RFTN1: variants seen among roughly 807,000 people sequenced by gnomAD.
The protein encoded by RFTN1 is raftlin.
RFTN1 carries 26 observed loss-of-function variants against 46.5 expected under a neutral mutation model. The observed-to-expected ratio is 0.56, with a 90% CI of 0.41 to 0.78. The LOEUF is 0.78. Among genes scored for constraint, RFTN1 ranks in the 30% least tolerant of loss-of-function variants. RFTN1 has a pLI of 0.00. For synonymous variants in RFTN1, 261 were observed against 284.2 expected, an observed-to-expected ratio of 0.92 and a Z score of 0.82; for missense variants, 693 against 718.7, an observed-to-expected ratio of 0.96 and a Z score of 0.41.
At chr3:16,378,362 T>G (rs186048833) in intron 4 of RFTN1, among the ~76,000 whole-genome samples, 1 of 152,318 alleles carries the variant, frequency 6.6e-6, no homozygotes, top group East Asian at 1.9e-4. Context: ...TTGAAATCAC[T>G]ACTTTGAAAC....
At chr3:16,411,531 C>G (rs2074980376) in intron 3 of RFTN1, among the ~76,000 whole-genome samples, 1 of 152,178 alleles carries the variant, frequency 6.6e-6, no homozygotes, top group African/African-American at 2.4e-5. Context: ...CTGGAACAAA[C>G]TAATCCCAAA....
rs745778663 is a variant in RFTN1, at chr3:16,378,034, G to C, written c.510C>G (p.Asn170Lys). 4 of 1,614,280 alleles carry C rather than the reference G, an allele frequency of 2.5e-6. No homozygotes were observed. The highest frequency in any genetic ancestry group is 1.1e-5 in the South Asian group (1 of 91,090). ...ACACCGGAGCACTGCTGCCTGCCGA[G>C]TTCACAGAGGAATGGTACTGAGGTA... ...GVIPQYHSSV[N>K]SAGSSAPVST... Residue 170 changes from asparagine to lysine, a missense_variant, in exon 5 of 10, where the codon AAC becomes AAG. By Grantham distance (94) the Asn-to-Lys change is moderately conservative (BLOSUM62 0). Transcript: ENST00000334133.
rs562623105 is a variant in RFTN1, at chr3:16,409,111, T to C, written c.441+264A>G. Among the ~76,000 whole-genome samples, 22 of 152,360 alleles carry C rather than the reference T, an allele frequency of 1.4e-4. No homozygotes were observed. In the East Asian group the frequency reaches 4.2e-3, roughly 29 times the overall value. On this transcript the variant is annotated intron_variant, in intron 4 of 9. Transcript: ENST00000334133. The stretch of plus-strand genomic sequence containing the variant: ...TTTGAAAGGAGTCCCGGCGCAGGCC[T>C]GCAGGTCTGTCAGCTGTTAACCCCA...
At chr3:16,441,341 CAG>C (rs1037790976) in intron 2 of RFTN1, among the ~76,000 whole-genome samples, 2 of 97,418 alleles carry the variant, frequency 2.1e-5, no homozygotes, top group African/African-American at 7.9e-5. Flanking sequence ...GGAATGAAAA[CAG>C]AGAAAAAACA....
rs1208827592 is a variant in RFTN1, at chr3:16,433,371, G to A, written c.332+480C>T. Among the ~76,000 whole-genome samples the A allele has an allele frequency of 6.6e-6, 1 of 152,020 alleles. No homozygotes were observed. Among genetic ancestry groups the A allele is most frequent in the African/African-American group, 2.4e-5 (1 of 41,388 alleles). On this transcript the variant is annotated intron_variant, in intron 3 of 9. Coordinates refer to ENST00000334133, the MANE Select transcript of RFTN1 (RefSeq NM_015150.2). This position sits in a 1 kb window ranked among gnomAD's most constrained non-coding sequence, Gnocchi z 4.4. ...TTTATTTAGGTGGTGTTTATTTTTT[G>A]TATTTTTTTAACTGTCAAGTGATTG... is the stretch of plus-strand genomic sequence containing the variant.
rs1459805296 is a variant in RFTN1, at chr3:16,489,633, T to G, written c.145+4092A>C. Reference sequence around the variant, plus strand: ...TTTCTGAAACATGAGAGCAGGCCAGTGCAGTGGCTCATGCCTGTAAGCCCA... The same window carrying G: ...TTTCTGAAACATGAGAGCAGGCCAGGGCAGTGGCTCATGCCTGTAAGCCCA... On this transcript the variant is annotated intron_variant, in intron 2 of 9. Coordinates refer to ENST00000334133, the MANE Select transcript of RFTN1 (RefSeq NM_015150.2). The surrounding 1 kb of genome is among the most constrained non-coding windows in gnomAD (Gnocchi z 4.0). Among the ~76,000 whole-genome samples, 2 of 152,152 alleles carry G rather than the reference T, an allele frequency of 1.3e-5. No individual in the cohort carries two copies. Among genetic ancestry groups the G allele is most frequent in the Non-Finnish European group, 2.9e-5 (2 of 68,024 alleles).
chr3:16,504,547 T>A lies in RFTN1; in HGVS notation c.-9+8895A>T, dbSNP rs2076768963. On this transcript the variant is annotated intron_variant, in intron 1 of 9. Coordinates refer to ENST00000334133, the MANE Select transcript of RFTN1 (RefSeq NM_015150.2). This position sits in a 1 kb window ranked among gnomAD's most constrained non-coding sequence, Gnocchi z 4.4. ...GCATTTCCCTCAAAGATGTGAAATA[T>A]CCCTTGGCCACCCTGTGCCTTTGCT... Among the ~76,000 whole-genome samples, 1 of 152,224 alleles carries A rather than the reference T, an allele frequency of 6.6e-6. No individual in the cohort carries two copies. The highest frequency in any genetic ancestry group is 1.5e-5 in the Non-Finnish European group (1 of 68,038).
At position 16,383,661 on chromosome 3, in the gene RFTN1, A is replaced by T. The variant is rs116060536; in HGVS notation, c.442-5559T>A. On this transcript the variant is annotated intron_variant, in intron 4 of 9. Coordinates refer to ENST00000334133, the MANE Select transcript of RFTN1 (RefSeq NM_015150.2). The surrounding 1 kb of genome is among the most constrained non-coding windows in gnomAD (Gnocchi z 4.0). Reference sequence around the variant, plus strand: ...GCGATATATACTCTATGTGCATGCGAATATACGTATTTGTGATTTAGAGTA... The same window carrying T: ...GCGATATATACTCTATGTGCATGCGTATATACGTATTTGTGATTTAGAGTA... Among the ~76,000 whole-genome samples, 39 of 152,324 alleles carry T rather than the reference A, an allele frequency of 2.6e-4. No individual in the cohort carries two copies. The highest frequency in any genetic ancestry group is 9.1e-4 in the African/African-American group (38 of 41,556).
rs749152016 is a variant in RFTN1 at position 16,493,894 on chromosome 3, A to G, written c.-8-17T>C. ...TTTCAGCAGCTGCTGGCCAAAGGAA[A>G]AAGGCGGGGAGGTGATTTTTTTCTG... On this transcript the variant is annotated splice_polypyrimidine_tract_variant and intron_variant, in intron 1 of 9. Transcript: ENST00000334133. 1.2e-6 allele frequency: 2 copies of G among 1,613,872 alleles called. No homozygotes were observed. The highest frequency in any genetic ancestry group is 1.7e-6 in the Non-Finnish European group (2 of 1,179,868).
intron 2 of RFTN1, among the ~76,000 whole-genome samples, chr3:16,455,738 G>A (rs1297274256): frequency 6.6e-6 from 1 of 152,140 alleles, no homozygotes; most frequent in East Asian, 1.9e-4. Flanking sequence ...CCAACTAGTA[G>A]AGTCAAAATA....
intron 4 of RFTN1, among the ~76,000 whole-genome samples, chr3:16,389,409 G>A (rs1004593997): frequency 6.6e-6 from 1 of 152,146 alleles, no homozygotes; most frequent in Non-Finnish European, 1.5e-5. Flanking sequence ...TGGTTTTTCT[G>A]GAAGATGGAA....
intron 3 of RFTN1, among the ~76,000 whole-genome samples, chr3:16,414,585 CAG>C (rs2075039044): frequency 7.1e-6 from 1 of 141,540 alleles, no homozygotes; most frequent in Non-Finnish European, 1.5e-5. Context: ...GCCTGAGCAA[CAG>C]AGTGAGACTT....
At chr3:16,444,871 T>C (rs1559351050) in intron 2 of RFTN1, among the ~76,000 whole-genome samples, 2 of 152,234 alleles carry the variant, frequency 1.3e-5, no homozygotes, top group African/African-American at 4.8e-5. Flanking sequence ...ACTGGGTAAG[T>C]CATCATCTTA....
intron 4 of RFTN1, among the ~76,000 whole-genome samples, chr3:16,391,564 T>C (rs76113287): frequency 5.8e-4 from 89 of 152,304 alleles, no homozygotes; most frequent in Non-Finnish European, 1.0e-3. Context: ...AGCCCTTATA[T>C]TGAGCTCCAA....
At position 16,387,686 on chromosome 3, in the gene RFTN1, C is replaced by T. The variant is rs2125396742; in HGVS notation, c.442-9584G>A. Among the ~76,000 whole-genome samples, 1 of 149,414 alleles carries T rather than the reference C, an allele frequency of 6.7e-6. No individual in the cohort carries two copies. Among genetic ancestry groups the T allele is most frequent in the African/African-American group, 2.5e-5 (1 of 40,466 alleles). On this transcript the variant is annotated intron_variant, in intron 4 of 9. Coordinates refer to ENST00000334133, the MANE Select transcript of RFTN1 (RefSeq NM_015150.2). The surrounding 1 kb of genome is among the most constrained non-coding windows in gnomAD (Gnocchi z 5.2). ...AAAAGAAGAAAAAGAGGAAAGAATC[C>T]AACCAACAATAGAAGTAAGCAAGCC...
At chr3:16,404,892 T>C (rs572799861) in intron 4 of RFTN1, among the ~76,000 whole-genome samples, 1 of 152,230 alleles carries the variant, frequency 6.6e-6, no homozygotes, top group African/African-American at 2.4e-5. Context: ...GACAAAGCCC[T>C]CTGCCCCTTG....
At chr3:16,365,351 A>G (rs1007720182) in intron 6 of RFTN1, among the ~76,000 whole-genome samples, 5 of 152,138 alleles carry the variant, frequency 3.3e-5, no homozygotes, top group African/African-American at 9.7e-5. Flanking sequence ...CACCTTCTGA[A>G]TACAGCACTG....
In RFTN1 at chr3:16,507,623, T is replaced by TAC. The variant is rs959985480; in HGVS notation, c.-9+5817_-9+5818dup. Among the ~76,000 whole-genome samples, 32 of 105,116 alleles carry TAC rather than the reference T, an allele frequency of 3.0e-4. No individual in the cohort carries two copies. The highest frequency in any genetic ancestry group is 1.3e-3 in the African/African-American group (30 of 22,918). 69.0% of individuals were successfully genotyped at this position (105,116 alleles called of 152,430 possible). On this transcript the variant is annotated intron_variant, in intron 1 of 9. Transcript: ENST00000334133. This position sits in a 1 kb window ranked among gnomAD's most constrained non-coding sequence, Gnocchi z 7.1. The stretch of plus-strand genomic sequence containing the variant: ...AAACACACACACACACACACACACA[T>TAC]ACACACACACATGCACACATCCACA...
Position 16,346,049 on chromosome 3 carries a change from C to G in RFTN1, c.1146+11883G>C, listed in dbSNP as rs767388509. On this transcript the variant is annotated intron_variant, in intron 7 of 9. Coordinates refer to ENST00000334133, the MANE Select transcript of RFTN1 (RefSeq NM_015150.2). The surrounding 1 kb of genome is among the most constrained non-coding windows in gnomAD (Gnocchi z 4.4). Reference sequence around the variant, plus strand: ...CTTTGCCCCATGATCTTCACCAGAACGGCATACTTGCCTCTCCCCTCGTCA... The same window carrying G: ...CTTTGCCCCATGATCTTCACCAGAAGGGCATACTTGCCTCTCCCCTCGTCA... 6.6e-6 allele frequency: 1 copy of G among 152,200 alleles called. No homozygotes were observed. Among genetic ancestry groups the G allele is most frequent in the East Asian group, 1.9e-4 (1 of 5,188 alleles). The allele number at this position is 152,200 out of a possible 1,614,324, so 9.4% of individuals were successfully genotyped here. A position where few individuals can be genotyped will look rare whatever the true frequency, so the allele number is the denominator to read the frequency against.
Sources: gnomAD v4.1 joint callset for allele counts (sites outside exome capture counted in the v4.1 genomes callset) on GRCh38, gnomAD v4.1.1 for gene constraint, Gnocchi (gnomAD v3.1) non-coding constraint, MANE v1.5 for transcripts, NCBI Gene and HGNC (gene_info 2026-07-23, HGNC 2026-07-21) for gene names.